Variants in ACOX2 observed in about 807,000 individuals in gnomAD.
The protein encoded by ACOX2 is acyl-CoA oxidase 2.
Under a neutral mutation model 77.5 loss-of-function variants are expected in ACOX2, and 59 were observed. The observed-to-expected ratio is 0.76, with a 90% CI of 0.62 to 0.95. The LOEUF is 0.95. ACOX2 is among the 40% of genes least tolerant of loss of function. ACOX2 has a pLI of 0.00. For missense variants in ACOX2, 837 were observed against 880.4 expected, an observed-to-expected ratio of 0.95 and a Z score of 0.62; for synonymous variants, 317 against 340.1, an observed-to-expected ratio of 0.93 and a Z score of 0.75.
chr3:58,519,220 C>T lies in ACOX2; in HGVS notation c.1633-1797G>A, dbSNP rs1433975838. Among the ~76,000 whole-genome samples the T allele has an allele frequency of 6.6e-6, 1 of 151,974 alleles. No homozygotes were observed. Among genetic ancestry groups the T allele is most frequent in the African/African-American group, 2.4e-5 (1 of 41,388 alleles). On this transcript the variant is annotated intron_variant, in intron 12 of 14. Transcript: ENST00000302819. This position sits in a 1 kb window ranked among gnomAD's most constrained non-coding sequence, Gnocchi z 5.0. ...CCAACATGGCAAAACCCTGTCTCTACAAAAAATACAAAAATTAGCCAGGTG... is the reference window on the plus strand; with the variant it reads ...CCAACATGGCAAAACCCTGTCTCTATAAAAAATACAAAAATTAGCCAGGTG...
At chr3:58,529,952 T>A (rs1560219204) in intron 8 of ACOX2, among the ~76,000 whole-genome samples, 1 of 152,056 alleles carries the variant, frequency 6.6e-6, no homozygotes, top group Non-Finnish European at 1.5e-5. Flanking sequence ...ACAAAAGGGA[T>A]CCAGACTAGA....
rs1298297856 is a variant in ACOX2 at position 58,534,178 on chromosome 3, T to A, written c.324-33A>T. 1.2e-6 allele frequency: 2 copies of A among 1,611,862 alleles called. No homozygotes were observed. The highest frequency in any genetic ancestry group is 4.5e-5 in the East Asian group (2 of 44,858). On this transcript the variant is annotated intron_variant, in intron 3 of 14. Coordinates refer to ENST00000302819, the MANE Select transcript of ACOX2 (RefSeq NM_003500.4). The surrounding 1 kb of genome is among the most constrained non-coding windows in gnomAD (Gnocchi z 4.8). ...GGAGAGATGCTGTAGTTGAGTAGCTTATTGGAGACAGGGGCCCAGGTACCC... is the reference window on the plus strand; with the variant it reads ...GGAGAGATGCTGTAGTTGAGTAGCTAATTGGAGACAGGGGCCCAGGTACCC...
In ACOX2 at chr3:58,526,597, AG is replaced by A; in HGVS notation, c.1214del (p.Ala405ValfsTer16). The A allele has an allele frequency of 6.2e-7, 1 of 1,614,122 alleles. No homozygotes were observed. Among genetic ancestry groups the A allele is most frequent in the South Asian group, 1.1e-5 (1 of 91,084 alleles). On this transcript the variant is annotated frameshift_variant, in exon 10 of 15. Coordinates refer to ENST00000302819, the MANE Select transcript of ACOX2 (RefSeq NM_003500.4). LOFTEE classifies it high-confidence loss of function. This position sits in a 1 kb window ranked among gnomAD's most constrained non-coding sequence, Gnocchi z 4.3. ...CGCCACAGGCCCTGCGGCACATCTC[AG>A]CTCCCTGGGTGCAGAATTCTGACAT... is the stretch of plus-strand genomic sequence containing the variant. Reference protein sequence around the residue: ...AMMSEFCTQGAEMCRRACGGH... With the variant: ...AMMSEFCTQGXEMCRRACGGH...
chr3:58,505,246 T>C lies in ACOX2; in HGVS notation c.2024A>G (p.Gln675Arg). The C allele has an allele frequency of 4.3e-6, 7 of 1,613,402 alleles. No homozygotes were observed. The highest frequency in any genetic ancestry group is 5.9e-6 in the Non-Finnish European group (7 of 1,179,710). ...AYEEYIRPLL[Q>R]SWRSKL Reference sequence around the variant, plus strand: ...ATTTCATAGCTTGGATCTCCAACTTTGTAAAAGTGGTCTTATATATTCCTC... The same window carrying C: ...ATTTCATAGCTTGGATCTCCAACTTCGTAAAAGTGGTCTTATATATTCCTC... Residue 675 changes from glutamine to arginine, a missense_variant, in exon 15 of 15, where the codon CAA becomes CGA. Physicochemically the swap from Gln to Arg is conservative, Grantham distance 43. Coordinates refer to ENST00000302819, the MANE Select transcript of ACOX2 (RefSeq NM_003500.4). The surrounding 1 kb of genome is among the most constrained non-coding windows in gnomAD (Gnocchi z 4.4).
At chr3:58,518,269 A>G (rs576040662) in intron 12 of ACOX2, among the ~76,000 whole-genome samples, 19 of 152,116 alleles carry the variant, frequency 1.2e-4, no homozygotes, top group Non-Finnish European at 1.9e-4. Context: ...TATTTAGCCC[A>G]TATGTTATGG....
In ACOX2 at chr3:58,524,589, A is replaced by G. The variant is rs141105753; in HGVS notation, c.1363T>C (p.Tyr455His). ...CCAGGGGACATCTGAGTCTGCAGGT[A>G]GCTCTTCACCAGGAACCTGGGGGTT... is the stretch of plus-strand genomic sequence containing the variant. ...LQVARFLVKS[Y>H]LQTQMSPGST... The change falls in exon 11 of 15, where the codon TAC (tyrosine) becomes CAC (histidine). Residue 455 changes from tyrosine (Y) to histidine (H), a missense_variant. Tyr to His is a moderately conservative substitution (Grantham distance 83). Transcript: ENST00000302819. This position sits in a 1 kb window ranked among gnomAD's most constrained non-coding sequence, Gnocchi z 5.5. 1.9e-6 allele frequency: 3 copies of G among 1,613,932 alleles called. No homozygotes were observed. The highest frequency in any genetic ancestry group is 2.7e-5 in the African/African-American group (2 of 74,944).
In ACOX2 at chr3:58,522,649, G is replaced by T; in HGVS notation, c.1527-48C>A. On this transcript the variant is annotated intron_variant, in intron 11 of 14. Transcript: ENST00000302819. The surrounding 1 kb of genome is among the most constrained non-coding windows in gnomAD (Gnocchi z 4.3). ...TTCAGCTTCCTGACTGAGTGGAAAA[G>T]ACAACTGATGGGCTTCCTGTGGTCC... 6.5e-7 allele frequency: 1 copy of T among 1,540,254 alleles called. No individual in the cohort carries two copies. The highest frequency in any genetic ancestry group is 9.0e-7 in the Non-Finnish European group (1 of 1,112,822).
Position 58,505,197 on chromosome 3 carries a change from G to T in ACOX2, c.*27C>A. On this transcript the variant is annotated 3_prime_UTR_variant, in exon 15 of 15. Transcript: ENST00000302819. The surrounding 1 kb of genome is among the most constrained non-coding windows in gnomAD (Gnocchi z 4.4). Reference sequence around the variant, plus strand: ...GTACCATTATCACATGATGGTGCTGGTTGCTTCTTGAATACTGTTGGTTAT... The same window carrying T: ...GTACCATTATCACATGATGGTGCTGTTTGCTTCTTGAATACTGTTGGTTAT... The T allele has an allele frequency of 6.3e-7, 1 of 1,594,404 alleles. No individual in the cohort carries two copies. Among genetic ancestry groups the T allele is most frequent in the Non-Finnish European group, 8.6e-7 (1 of 1,165,190 alleles).
In ACOX2 at chr3:58,505,366, T is replaced by A; in HGVS notation, c.1984-80A>T. Reference sequence around the variant, plus strand: ...GACTTTCACTTTCAAATTAAGTCTCTAGCTTCAAAAAGTAACATTACGTAA... The same window carrying A: ...GACTTTCACTTTCAAATTAAGTCTCAAGCTTCAAAAAGTAACATTACGTAA... On this transcript the variant is annotated intron_variant, in intron 14 of 14. Coordinates refer to ENST00000302819, the MANE Select transcript of ACOX2 (RefSeq NM_003500.4). The surrounding 1 kb of genome is among the most constrained non-coding windows in gnomAD (Gnocchi z 4.4). 1 of 1,176,182 alleles carries A rather than the reference T, an allele frequency of 8.5e-7. No individual in the cohort carries two copies. Among genetic ancestry groups the A allele is most frequent in the African/African-American group, 1.6e-5 (1 of 64,040 alleles). 72.9% of individuals were successfully genotyped at this position (1,176,182 alleles called of 1,614,324 possible).
Position 58,531,216 on chromosome 3 carries a change from GA to G in ACOX2, c.819+34del. ...CACAAAGCGCAGGTCCCCTCTCCAG[GA>G]AGTACAAGTCCCCGGCCTCCCCAGA... On this transcript the variant is annotated intron_variant, in intron 7 of 14. Transcript: ENST00000302819. The surrounding 1 kb of genome is among the most constrained non-coding windows in gnomAD (Gnocchi z 5.8). 6 of 1,588,594 alleles carry G rather than the reference GA, an allele frequency of 3.8e-6. No homozygotes were observed. Among genetic ancestry groups the G allele is most frequent in the Non-Finnish European group, 5.2e-6 (6 of 1,161,084 alleles).
chr3:58,518,507 A>G (rs571628341), intron 12 of ACOX2, among the ~76,000 whole-genome samples: 3 of 152,304 alleles, frequency 2.0e-5, no homozygotes, highest in African/African-American at 7.2e-5. Context: ...GCCTTGTCCT[A>G]CTGGTTGTAA....
At chr3:58,506,898 T>C (rs2063238539) in intron 14 of ACOX2, among the ~76,000 whole-genome samples, 1 of 152,224 alleles carries the variant, frequency 6.6e-6, no homozygotes, top group Non-Finnish European at 1.5e-5. Flanking sequence ...TATAGCATTA[T>C]ATCTTAAGAG....
chr3:58,529,102 T>C, intron 8 of ACOX2, 146 bp from the exon 9 acceptor site: 1 of 753,960 alleles, frequency 1.3e-6, no homozygotes, highest in Non-Finnish European at 2.0e-6. Context: ...TGATAATCCT[T>C]TAAAAATCCC....
At chr3:58,516,546 G>A (rs1210605837) in intron 13 of ACOX2, among the ~76,000 whole-genome samples, 1 of 152,190 alleles carries the variant, frequency 6.6e-6, no homozygotes, top group African/African-American at 2.4e-5. Flanking sequence ...GCTCTTTAAA[G>A]GTTGGCTATG....
chr3:58,527,466 G>A (rs1309570716), intron 9 of ACOX2, among the ~76,000 whole-genome samples: 1 of 150,338 alleles, frequency 6.7e-6, no homozygotes. Flanking sequence ...AACCTGGGAG[G>A]CGGAGGTTGC....
rs1476698011 is a variant in ACOX2, at chr3:58,533,603, C to T, written c.476-51G>A. On this transcript the variant is annotated intron_variant, in intron 4 of 14. Coordinates refer to ENST00000302819, the MANE Select transcript of ACOX2 (RefSeq NM_003500.4). The surrounding 1 kb of genome is among the most constrained non-coding windows in gnomAD (Gnocchi z 5.6). ...CATTGGCCTGAGGTGGGGTTCTTAC[C>T]TGTGAAGCTGCTTCTAGGTGGGTCT... 6.4e-7 allele frequency: 1 copy of T among 1,558,050 alleles called. No individual in the cohort carries two copies. The highest frequency in any genetic ancestry group is 1.1e-5 in the South Asian group (1 of 89,586).
chr3:58,525,242 A>G lies in ACOX2; in HGVS notation c.1347-637T>C, dbSNP rs2063386030. ...CTTGGCACAGTGCAGAGTACATAAT[A>G]TGTGCTATTGTACTCCTTTTCTAAT... On this transcript the variant is annotated intron_variant, in intron 10 of 14. Coordinates refer to ENST00000302819, the MANE Select transcript of ACOX2 (RefSeq NM_003500.4). This position sits in a 1 kb window ranked among gnomAD's most constrained non-coding sequence, Gnocchi z 5.0. 6.6e-6 allele frequency among the ~76,000 whole-genome samples: 1 copy of G among 152,236 alleles called. No homozygotes were observed. Among genetic ancestry groups the G allele is most frequent in the African/African-American group, 2.4e-5 (1 of 41,460 alleles).
rs571202674 is a variant in ACOX2 at position 58,530,544 on chromosome 3, A to T, written c.914T>A (p.Ile305Asn). The T allele has an allele frequency of 2.5e-6, 4 of 1,614,150 alleles. No homozygotes were observed. In the Admixed American group the frequency reaches 6.7e-5, roughly 27 times the overall value. ...VVRVELLSGE[I>N]LPILQKACVI... ...ACAGGCCTTCTGCAGTATAGGGAGG[A>T]TCTCCCCTGACAGCAGCTCCACCCG... The change falls in exon 8 of 15, where the codon ATC becomes AAC. Residue 305 changes from isoleucine (I) to asparagine (N), a missense_variant. Physicochemically the swap from Ile to Asn is moderately radical, Grantham distance 149. Coordinates refer to ENST00000302819, the MANE Select transcript of ACOX2 (RefSeq NM_003500.4).
intron 1 of ACOX2, among the ~76,000 whole-genome samples, chr3:58,536,832 T>C (rs1279676711): frequency 2.0e-5 from 3 of 152,180 alleles, no homozygotes; most frequent in African/African-American, 7.2e-5. Flanking sequence ...TGCTCTCCTT[T>C]TTCTCTTTTC....
Sources: allele counts gnomAD v4.1 joint callset (sites outside exome capture counted in the v4.1 genomes callset), GRCh38; gene constraint gnomAD v4.1.1; non-coding constraint Gnocchi (gnomAD v3.1); transcripts MANE v1.5; gene names NCBI Gene and HGNC (gene_info 2026-07-23, HGNC 2026-07-21).